AGBL3: variants seen among roughly 807,000 people sequenced by gnomAD.
AGBL3 encodes the protein cytosolic carboxypeptidase 3.
AGBL3 carries 68 observed loss-of-function variants against 94.5 expected under a neutral mutation model. The ratio of observed to expected loss-of-function variants is 0.72; its 90% CI spans 0.59 to 0.88. The LOEUF (loss-of-function observed/expected upper bound fraction) is 0.88, where lower values mean the gene tolerates loss of function less well. AGBL3 is among the 40% of genes least tolerant of loss of function. The pLI is 0.00. For missense variants in AGBL3, 934 were observed against 1,103.8 expected (o/e 0.85, Z 2.18); for synonymous variants, 354 against 370.7 (o/e 0.95, Z 0.52).
At chr7:135,012,229 T>A (rs554969045) in intron 4 of AGBL3, 1 of 152,286 alleles carries the variant, frequency 6.6e-6, no homozygotes, top group South Asian at 2.1e-4. Flanking sequence ...TACACTTCTG[T>A]AGATAAAAAC....
At chr7:135,017,509 G>A (rs1210899103) in intron 5 of AGBL3, among the ~76,000 whole-genome samples, 10 of 152,082 alleles carry the variant, frequency 6.6e-5, no homozygotes, top group African/African-American at 2.4e-5. Flanking sequence ...TCATGCATTC[G>A]TTCAGATGTT....
intron 15 of AGBL3, among the ~76,000 whole-genome samples, chr7:135,102,530 T>C (rs1219177778): frequency 6.6e-6 from 1 of 152,108 alleles, no homozygotes; most frequent in Non-Finnish European, 1.5e-5. Flanking sequence ...CTCAGTATTA[T>C]GTGGCTATGA....
chr7:135,055,795 C>T (rs1818294670), intron 11 of AGBL3, among the ~76,000 whole-genome samples: 1 of 152,166 alleles, frequency 6.6e-6, no homozygotes, highest in South Asian at 2.1e-4. Context: ...AGTGTTCTCT[C>T]TGTTTCTATT....
intron 12 of AGBL3, 103 bp downstream of exon 12, chr7:135,059,338 TATC>T (rs1318483253): frequency 1.0e-5 from 6 of 600,268 alleles, no homozygotes; most frequent in South Asian, 5.8e-5. Flanking sequence ...GTAATTATTG[TATC>T]ATCATTTATT....
chr7:135,000,487 C>G (rs1338863996), intron 4 of AGBL3, among the ~76,000 whole-genome samples: 1 of 152,182 alleles, frequency 6.6e-6, no homozygotes, highest in Admixed American at 6.5e-5. Flanking sequence ...GACATCAGAG[C>G]TTCTAGTTCT....
At chr7:135,120,108 C>G (rs1826930307) in intron 16 of AGBL3, among the ~76,000 whole-genome samples, 1 of 151,866 alleles carries the variant, frequency 6.6e-6, no homozygotes, top group African/African-American at 2.4e-5. Flanking sequence ...AAGACTTACT[C>G]TAAAAGAATG....
chr7:135,086,767 A>G (rs1039571292), intron 15 of AGBL3, among the ~76,000 whole-genome samples: 6 of 151,660 alleles, frequency 4.0e-5, no homozygotes, highest in Non-Finnish European at 8.9e-5. Flanking sequence ...GAGGACTTTT[A>G]CGTCTTTATT....
At chr7:135,030,267 C>T (rs764812804) in intron 5 of AGBL3, among the ~76,000 whole-genome samples, 51 of 151,756 alleles carry the variant, frequency 3.4e-4, no homozygotes, top group Non-Finnish European at 8.8e-5. Flanking sequence ...TACAGATATT[C>T]TTCAATTTAC....
intron 13 of AGBL3, among the ~76,000 whole-genome samples, chr7:135,076,945 C>T (rs560115609): frequency 6.6e-6 from 1 of 152,256 alleles, no homozygotes; most frequent in East Asian, 1.9e-4. Flanking sequence ...TAAGGTTATA[C>T]AGCAAATGAA....
intron 12 of AGBL3, among the ~76,000 whole-genome samples, chr7:135,067,759 C>A (rs1468463767): frequency 6.6e-6 from 1 of 152,108 alleles, no homozygotes; most frequent in East Asian, 1.9e-4. Context: ...CATCAAAGAC[C>A]AAAGGTAGAT....
chr7:135,080,217 G>A lies in AGBL3; in HGVS notation c.1995G>A (p.Gly665=), dbSNP rs190310134. ...NARGQEVYDR[G]HLLQRHTQSN... is the part of the protein sequence containing the mutation. The stretch of plus-strand genomic sequence containing the variant: ...CATTCCATTAGGTTTATGATAGAGG[G>A]CATTTGCTGCAAAGACACACACAAT... Residue 665 remains glycine, a synonymous_variant, in exon 14 of 17, where the codon GGG becomes GGA. Coordinates refer to ENST00000436302, the MANE Select transcript of AGBL3 (RefSeq NM_178563.4). 1.2e-3 allele frequency: 1,906 copies of A among 1,548,740 alleles called. 24 individuals carry two copies. In the Admixed American group the frequency reaches 0.027, roughly 22 times the overall value.
intron 15 of AGBL3, among the ~76,000 whole-genome samples, chr7:135,112,966 A>G (rs1158913252): frequency 2.6e-5 from 4 of 152,072 alleles, no homozygotes; most frequent in Non-Finnish European, 5.9e-5. Context: ...TAGTAGAGAC[A>G]GGGTTTCACC....
At chr7:135,047,373 G>A (rs941007025) in intron 11 of AGBL3, among the ~76,000 whole-genome samples, 1 of 151,846 alleles carries the variant, frequency 6.6e-6, no homozygotes, top group Admixed American at 6.6e-5. Flanking sequence ...TCTAGATTTC[G>A]GTTCTTTTGG....
Position 135,034,920 on chromosome 7 carries a change from G to C in AGBL3, c.1329G>C (p.Met443Ile). The C allele has an allele frequency of 1.3e-6, 2 of 1,494,368 alleles. No individual in the cohort carries two copies. Among genetic ancestry groups the C allele is most frequent in the South Asian group, 2.7e-5 (2 of 72,796 alleles). The allele number at this position is 1,494,368 out of a possible 1,614,324, so 92.6% of individuals were successfully genotyped here. ...CTTCTGTATGGTATACCCGGAACAT[G>C]GTTCATAGGTAAAATAAGCCTCAAA... ...SFPSVWYTRNMVHRLMEKREV... is the reference protein window; with the variant it reads ...SFPSVWYTRNIVHRLMEKREV... Residue 443 changes from methionine to isoleucine, a missense_variant, in exon 7 of 17, where the codon ATG becomes ATC. Around this residue, in one of 3 missense-constraint regions of AGBL3, gnomAD observed 488 missense variants for 563.6 expected, o/e 0.87. Transcript: ENST00000436302.
At chr7:135,059,076 T>C in intron 11 of AGBL3, 93 bp from the exon 12 acceptor site, 1 of 1,035,336 alleles carries the variant, frequency 9.7e-7, no homozygotes. Context: ...AATTAGAACT[T>C]TTCAACCATT....
In AGBL3 at chr7:135,055,194, C is replaced by T. The variant is rs150694902; in HGVS notation, c.1842-3975C>T. Among the ~76,000 whole-genome samples the T allele has an allele frequency of 1.8e-4, 27 of 152,324 alleles. No homozygotes were observed. The South Asian group carries it at 2.7e-3, about 15-fold the overall frequency. Reference sequence around the variant, plus strand: ...CCCAAACACCTCCCGCTAGGCCCTACCTCCCAACACTGGCACATTAGGAAT... The same window carrying T: ...CCCAAACACCTCCCGCTAGGCCCTATCTCCCAACACTGGCACATTAGGAAT... On this transcript the variant is annotated intron_variant, in intron 11 of 16. Coordinates refer to ENST00000436302, the MANE Select transcript of AGBL3 (RefSeq NM_178563.4).
intron 5 of AGBL3, among the ~76,000 whole-genome samples, chr7:135,028,842 G>A (rs1477377035): frequency 3.3e-5 from 5 of 152,178 alleles, no homozygotes; most frequent in Non-Finnish European, 7.3e-5. Context: ...CTTGAAAGTT[G>A]AAATTACTTC....
At chr7:135,007,909 A>G (rs1014845822) in intron 4 of AGBL3, among the ~76,000 whole-genome samples, 2 of 152,080 alleles carry the variant, frequency 1.3e-5, no homozygotes, top group African/African-American at 4.8e-5. Flanking sequence ...TCAATTTGCA[A>G]AAGAATAAAA....
At chr7:135,099,941 G>C (rs1585109759) in intron 15 of AGBL3, 1 of 125,608 alleles carries the variant, frequency 8.0e-6, no homozygotes, top group East Asian at 2.5e-4. Context: ...AGGCTGGAGT[G>C]CAGTGGCATG....
Sources: allele counts gnomAD v4.1 joint callset (sites outside exome capture counted in the v4.1 genomes callset), GRCh38; gene constraint gnomAD v4.1.1; regional missense constraint gnomAD v4.1.1; transcripts MANE v1.5; gene names NCBI Gene and HGNC (gene_info 2026-07-23, HGNC 2026-07-21).